KIAA1217: variants seen among roughly 807,000 people sequenced by gnomAD.
KIAA1217 encodes the protein KIAA1217.
In KIAA1217, 88 loss-of-function variants were observed where a neutral mutation model predicts 163.9. That is an observed-to-expected ratio of 0.54 (90% confidence interval 0.45 to 0.64). The LOEUF (loss-of-function observed/expected upper bound fraction) is 0.64. KIAA1217 is among the 30% of genes least tolerant of loss of function. The probability of loss-of-function intolerance (pLI) is 0.00; values close to 1 mark genes in which losing one functional copy is unlikely to be tolerated. For synonymous variants in KIAA1217, 903 were observed against 923.1 expected, an observed-to-expected ratio of 0.98 and a Z score of 0.39; for missense variants, 2,372 against 2,475.0, an observed-to-expected ratio of 0.96 and a Z score of 0.88.
intron 1 of KIAA1217, among the ~76,000 whole-genome samples, chr10:23,864,523 AAC>A (rs10544205): frequency 0.67 from 98,669 of 147,174 alleles, 34,010 homozygotes; most frequent in East Asian, 0.79. Context: ...TACACACACC[AAC>A]ACACACACAC....
intron 1 of KIAA1217, among the ~76,000 whole-genome samples, chr10:23,745,058 A>G (rs1186257128): frequency 1.3e-5 from 2 of 152,202 alleles, no homozygotes; most frequent in African/African-American, 4.8e-5. Context: ...ATATCTGGGG[A>G]CCATGGGCCA....
intron 2 of KIAA1217, among the ~76,000 whole-genome samples, chr10:24,344,087 C>G (rs2133883252): frequency 6.6e-6 from 1 of 152,280 alleles, no homozygotes; most frequent in South Asian, 2.1e-4. Context: ...TCCATTTTCT[C>G]TATTAACACC....
At chr10:24,397,950 T>C (rs2056039193) in intron 3 of KIAA1217, among the ~76,000 whole-genome samples, 1 of 152,188 alleles carries the variant, frequency 6.6e-6, no homozygotes, top group Non-Finnish European at 1.5e-5. Flanking sequence ...GTCTGTGACA[T>C]TGGGCAAGTT....
intron 2 of KIAA1217, among the ~76,000 whole-genome samples, chr10:24,276,357 C>T (rs932439542): frequency 7.2e-5 from 11 of 152,116 alleles, no homozygotes; most frequent in African/African-American, 2.7e-4. Context: ...CTTAGAATTC[C>T]ATCTCGTTCT....
rs893365886 is a variant in KIAA1217 at position 23,887,882 on chromosome 10, C to T, written c.-320-119343C>T. ...TGAGAATTTATTTCCTTTTGAAAAACCCAAAATAAATATTATCCAGCTACT... is the reference window on the plus strand; with the variant it reads ...TGAGAATTTATTTCCTTTTGAAAAATCCAAAATAAATATTATCCAGCTACT... On this transcript the variant is annotated intron_variant, in intron 1 of 18. Coordinates refer to the KIAA1217 transcript ENST00000376462. Among the ~76,000 whole-genome samples the T allele has an allele frequency of 2.6e-5, 4 of 151,774 alleles. No homozygotes were observed. In the South Asian group the frequency reaches 8.3e-4, roughly 31 times the overall value.
intron 6 of KIAA1217, among the ~76,000 whole-genome samples, chr10:24,492,435 G>A (rs1479140060): frequency 1.3e-5 from 2 of 152,160 alleles, no homozygotes; most frequent in South Asian, 2.1e-4. Flanking sequence ...ACTCCGTGGA[G>A]ATATATTTCC....
At chr10:23,988,370 T>C (rs1046273381) in intron 1 of KIAA1217, among the ~76,000 whole-genome samples, 4 of 152,342 alleles carry the variant, frequency 2.6e-5, no homozygotes, top group African/African-American at 4.8e-5. Flanking sequence ...TAACCAATAG[T>C]TTCCTGGGGT....
At chr10:23,937,569 A>G (rs1174182706) in intron 1 of KIAA1217, among the ~76,000 whole-genome samples, 3 of 152,184 alleles carry the variant, frequency 2.0e-5, no homozygotes, top group African/African-American at 4.8e-5. Context: ...TGTTGCTTAC[A>G]AAATGGAAAA....
chr10:23,853,988 G>A (rs1365197970), intron 1 of KIAA1217, among the ~76,000 whole-genome samples: 3 of 151,974 alleles, frequency 2.0e-5, no homozygotes, highest in Non-Finnish European at 4.4e-5. Context: ...TTAATTTTTT[G>A]AAGGATTTTT....
chr10:24,440,851 G>T (rs2060440146), intron 5 of KIAA1217, among the ~76,000 whole-genome samples: 1 of 152,230 alleles, frequency 6.6e-6, no homozygotes, highest in African/African-American at 2.4e-5. Context: ...CCAGCTAGGT[G>T]TGATCATGCC....
chr10:23,935,799 C>A (rs759790853), intron 1 of KIAA1217, among the ~76,000 whole-genome samples: 8 of 152,078 alleles, frequency 5.3e-5, no homozygotes, highest in Admixed American at 2.0e-4. Context: ...ATTAATTTTT[C>A]TTTTGGTGCT....
chr10:23,741,160 T>C (rs1354977918), intron 1 of KIAA1217, among the ~76,000 whole-genome samples: 1 of 152,148 alleles, frequency 6.6e-6, no homozygotes, highest in Non-Finnish European at 1.5e-5. Flanking sequence ...ATTAACTAAT[T>C]AATGTAATTC....
intron 1 of KIAA1217, among the ~76,000 whole-genome samples, chr10:23,749,173 C>G (rs1402764830): frequency 1.3e-5 from 2 of 152,204 alleles, no homozygotes; most frequent in South Asian, 2.1e-4. Context: ...TTTATACTAC[C>G]AAGATCCCCA....
chr10:23,836,755 G>A (rs867693308), intron 1 of KIAA1217, among the ~76,000 whole-genome samples: 21 of 151,156 alleles, frequency 1.4e-4, no homozygotes, highest in East Asian at 3.9e-4. Context: ...TGAGACCCCC[G>A]TCTCCACAAA....
intron 3 of KIAA1217, among the ~76,000 whole-genome samples, chr10:24,395,764 G>A (rs1222320514): frequency 2.0e-5 from 3 of 152,048 alleles, no homozygotes; most frequent in African/African-American, 7.2e-5. Flanking sequence ...TCAATCTCCT[G>A]GGCTCAAGCA....
At chr10:24,014,409 C>T (rs924946551) in intron 2 of KIAA1217, among the ~76,000 whole-genome samples, 2 of 152,140 alleles carry the variant, frequency 1.3e-5, no homozygotes, top group African/African-American at 2.4e-5. Context: ...CTGCTTTAAA[C>T]AGTGTAGGAG....
chr10:24,114,556 A>G (rs978616031), intron 2 of KIAA1217, among the ~76,000 whole-genome samples: 3 of 152,178 alleles, frequency 2.0e-5, no homozygotes, highest in African/African-American at 7.2e-5. Flanking sequence ...TGTGTGTTAG[A>G]AGATCAGAAT....
intron 2 of KIAA1217, among the ~76,000 whole-genome samples, chr10:24,099,585 AT>A (rs1422859886): frequency 1.4e-5 from 2 of 142,942 alleles, no homozygotes; most frequent in East Asian, 4.2e-4. Flanking sequence ...ATATATATAT[AT>A]TATATATATA....
intron 1 of KIAA1217, among the ~76,000 whole-genome samples, chr10:23,714,378 G>A (rs1271144940): frequency 6.6e-6 from 1 of 152,046 alleles, no homozygotes; most frequent in East Asian, 1.9e-4. Context: ...AGTAGAACAG[G>A]GGAGGAAGAG....
Sources: allele counts gnomAD v4.1 joint callset (sites outside exome capture counted in the v4.1 genomes callset), GRCh38; gene constraint gnomAD v4.1.1; transcripts MANE v1.5; gene names NCBI Gene and HGNC (gene_info 2026-07-23, HGNC 2026-07-21).